CUX2: variants seen among roughly 807,000 people sequenced by gnomAD.
CUX2 encodes the protein cut like homeobox 2.
A neutral mutation model predicts 144.8 loss-of-function variants in CUX2; 40 were observed. The observed-to-expected ratio is 0.28, with a 90% confidence interval of 0.21 to 0.36. The LOEUF (loss-of-function observed/expected upper bound fraction) is 0.36, where lower values mean the gene tolerates loss of function less well. CUX2 is among the 10% of genes least tolerant of loss of function. The probability of loss-of-function intolerance (pLI) is 1.00; values close to 1 mark genes in which losing one functional copy is unlikely to be tolerated. For missense variants in CUX2, 1,615 were observed against 1,994.0 expected (o/e 0.81, Z 3.62); for synonymous variants, 827 against 875.6 (o/e 0.94, Z 0.98).
chr12:111,203,572 A>G (rs1018043498), intron 1 of CUX2, among the ~76,000 whole-genome samples: 1 of 152,104 alleles, frequency 6.6e-6, no homozygotes, highest in Admixed American at 6.5e-5. Context: ...AAAAAAAGAA[A>G]AAGTCAAGAA....
chr12:111,303,552 C>T (rs949997864), intron 9 of CUX2, among the ~76,000 whole-genome samples: 2 of 150,332 alleles, frequency 1.3e-5, no homozygotes, highest in African/African-American at 2.4e-5. Context: ...AGGAAAATCT[C>T]GTGAACCCAG....
chr12:111,258,056 C>T (rs1883928266), intron 3 of CUX2, among the ~76,000 whole-genome samples: 7 of 152,208 alleles, frequency 4.6e-5, no homozygotes, highest in Admixed American at 2.6e-4. Flanking sequence ...TATTTGAAAG[C>T]TTTCATCAGC....
In CUX2 at chr12:111,310,829, C is replaced by T; in HGVS notation, c.1900+147C>T. 1 of 874,746 alleles carries T rather than the reference C, an allele frequency of 1.1e-6. No homozygotes were observed. The highest frequency in any genetic ancestry group is 1.7e-6 in the Non-Finnish European group (1 of 591,236). 54.2% of individuals were successfully genotyped at this position (874,746 alleles called of 1,614,324 possible). A position where few individuals can be genotyped will look rare whatever the true frequency, so the allele number is the denominator to read the frequency against. On this transcript the variant is annotated intron_variant, in intron 15 of 21. Transcript: ENST00000261726. This position sits in a 1 kb window ranked among gnomAD's most constrained non-coding sequence, Gnocchi z 7.9. ...ACCCAGGGCCAGTGGCTTTGCCTGT[C>T]TGTGCCTCAGTTTCCCCTCTGTAAA...
intron 1 of CUX2, among the ~76,000 whole-genome samples, chr12:111,108,469 A>G (rs548304063): frequency 6.6e-6 from 1 of 152,074 alleles, no homozygotes; most frequent in Non-Finnish European, 1.5e-5. Context: ...CCAAATGGTG[A>G]TTTTCTGTTT....
chr12:111,316,741 C>T (rs963180214), intron 16 of CUX2, among the ~76,000 whole-genome samples: 1 of 152,100 alleles, frequency 6.6e-6, no homozygotes, highest in Non-Finnish European at 1.5e-5. Context: ...TGAACCACCA[C>T]GCCCGGCCAA....
chr12:111,315,867 AAG>A (rs1028195108), intron 16 of CUX2, among the ~76,000 whole-genome samples: 1 of 152,200 alleles, frequency 6.6e-6, no homozygotes, highest in Non-Finnish European at 1.5e-5. Flanking sequence ...AAAAGAAAAA[AAG>A]AAAAAAAACA....
intron 1 of CUX2, among the ~76,000 whole-genome samples, chr12:111,051,582 T>C (rs903958168): frequency 2.0e-4 from 30 of 152,114 alleles, no homozygotes. Flanking sequence ...TTGCATTATA[T>C]ATCTTTTTGT....
intron 16 of CUX2, among the ~76,000 whole-genome samples, chr12:111,313,010 T>A (rs1055427667): frequency 6.6e-6 from 1 of 152,136 alleles, no homozygotes; most frequent in African/African-American, 2.4e-5. Flanking sequence ...AAATTCTGGC[T>A]CTGCTGTTTA....
chr12:111,094,324 G>A (rs1266121842), intron 1 of CUX2, among the ~76,000 whole-genome samples: 1 of 152,196 alleles, frequency 6.6e-6, no homozygotes, highest in African/African-American at 2.4e-5. Flanking sequence ...GTGGCGGAAG[G>A]GCCCGAGAAG....
chr12:111,126,045 G>C (rs543053765), intron 1 of CUX2, among the ~76,000 whole-genome samples: 1 of 143,026 alleles, frequency 7.0e-6, no homozygotes, highest in Admixed American at 6.7e-5. Context: ...GTGGTGGCGT[G>C]GGGGGGGCGG....
intron 1 of CUX2, among the ~76,000 whole-genome samples, chr12:111,106,851 C>T (rs1043572610): frequency 3.0e-4 from 45 of 152,132 alleles, no homozygotes; most frequent in Admixed American, 2.8e-3. Context: ...CCATTATGGC[C>T]GGGAGAGGAA....
intron 1 of CUX2, among the ~76,000 whole-genome samples, chr12:111,137,335 C>A (rs1875958508): frequency 6.6e-6 from 1 of 151,140 alleles, no homozygotes; most frequent in African/African-American, 2.5e-5. Flanking sequence ...AGTGCTGTCA[C>A]CTCTCTTCTG....
rs920538121 is a variant in CUX2, at chr12:111,160,820, C to T, written c.64-53380C>T. 2.0e-5 allele frequency among the ~76,000 whole-genome samples: 3 copies of T among 152,156 alleles called. No individual in the cohort carries two copies. Among genetic ancestry groups the T allele is most frequent in the Non-Finnish European group, 2.9e-5 (2 of 67,992 alleles). ...GGCTTGCGGTGATGATGTAATGTGT[C>T]GGGATGGAATGAATGAAGATGACTC... is the stretch of plus-strand genomic sequence containing the variant. On this transcript the variant is annotated intron_variant, in intron 1 of 21. Coordinates refer to ENST00000261726, the MANE Select transcript of CUX2 (RefSeq NM_015267.4). This position sits in a 1 kb window ranked among gnomAD's most constrained non-coding sequence, Gnocchi z 4.1.
intron 1 of CUX2, among the ~76,000 whole-genome samples, chr12:111,088,076 T>C (rs1462960625): frequency 6.6e-6 from 1 of 152,214 alleles, no homozygotes; most frequent in Non-Finnish European, 1.5e-5. Flanking sequence ...AGGATTCCAC[T>C]TACTTAGCAT....
At chr12:111,095,756 G>T (rs142005343) in intron 1 of CUX2, among the ~76,000 whole-genome samples, 2 of 152,168 alleles carry the variant, frequency 1.3e-5, no homozygotes, top group African/African-American at 4.8e-5. Context: ...CAATATTACC[G>T]TTACTACCAT....
At chr12:111,062,108 C>T (rs1419398418) in intron 1 of CUX2, among the ~76,000 whole-genome samples, 6 of 152,232 alleles carry the variant, frequency 3.9e-5, no homozygotes, top group South Asian at 2.1e-4. Flanking sequence ...TAGCCGCCGG[C>T]GGGTCTGCCA....
At chr12:111,149,523 A>G (rs1410384676) in intron 1 of CUX2, among the ~76,000 whole-genome samples, 1 of 152,036 alleles carries the variant, frequency 6.6e-6, no homozygotes, top group Non-Finnish European at 1.5e-5. Flanking sequence ...CACAATCCCA[A>G]AGTGAAATGA....
At chr12:111,099,494 G>A (rs990504836) in intron 1 of CUX2, 19 of 454,090 alleles carry the variant, frequency 4.2e-5, no homozygotes, top group African/African-American at 1.6e-4. Flanking sequence ...GGTGAGACTC[G>A]GGTTTGCAGG....
intron 3 of CUX2, among the ~76,000 whole-genome samples, chr12:111,233,017 A>G (rs984792899): frequency 2.0e-5 from 3 of 152,196 alleles, no homozygotes; most frequent in Admixed American, 6.5e-5. Context: ...GAGGGCTTCC[A>G]GGAGGAAGTG....
Sources: gnomAD v4.1 joint callset for allele counts (sites outside exome capture counted in the v4.1 genomes callset) on GRCh38, gnomAD v4.1.1 for gene constraint, Gnocchi (gnomAD v3.1) non-coding constraint, MANE v1.5 for transcripts, NCBI Gene and HGNC (gene_info 2026-07-23, HGNC 2026-07-21) for gene names.